FRMD4A: variants seen among roughly 807,000 people sequenced by gnomAD.
FRMD4A encodes the protein FERM domain containing 4A.
In FRMD4A, 29 loss-of-function variants were observed where a neutral mutation model predicts 129.1. The observed-to-expected ratio is 0.22, with a 90% CI of 0.17 to 0.31. The LOEUF (loss-of-function observed/expected upper bound fraction) is 0.31, where lower values mean the gene tolerates loss of function less well. FRMD4A is among the 10% of genes least tolerant of loss of function. The probability of loss-of-function intolerance (pLI) is 1.00; values close to 1 mark genes in which losing one functional copy is unlikely to be tolerated. For missense variants in FRMD4A, 1,272 were observed against 1,375.8 expected, an observed-to-expected ratio of 0.92 and a Z score of 1.19; for synonymous variants, 634 against 571.6, an observed-to-expected ratio of 1.11 and a Z score of -1.56.
chr10:13,667,628 G>GGGGAT (rs1441218530), intron 17 of FRMD4A: 2 of 152,390 alleles, frequency 1.3e-5, no homozygotes, highest in African/African-American at 4.8e-5. Context: ...ATGCATGTGT[G>GGGGAT]CGTGAGGATT....
At chr10:14,273,290 A>G (rs983285153) in intron 2 of FRMD4A, among the ~76,000 whole-genome samples, 7 of 152,220 alleles carry the variant, frequency 4.6e-5, no homozygotes, top group African/African-American at 1.7e-4. Context: ...TTAGGGGGCA[A>G]TGAAATAACC....
chr10:13,943,488 A>G (rs906728658), intron 2 of FRMD4A, among the ~76,000 whole-genome samples: 1 of 151,630 alleles, frequency 6.6e-6, no homozygotes, highest in African/African-American at 2.4e-5. Flanking sequence ...TCTCTACTAA[A>G]AATACAAAAA....
intron 2 of FRMD4A, among the ~76,000 whole-genome samples, chr10:14,147,782 C>A (rs1239946025): frequency 3.3e-5 from 5 of 152,106 alleles, no homozygotes; most frequent in African/African-American, 1.2e-4. Flanking sequence ...AGGCCACGGA[C>A]TGGTACTGGT....
chr10:13,834,761 A>G (rs2093846740), intron 3 of FRMD4A, among the ~76,000 whole-genome samples: 1 of 152,164 alleles, frequency 6.6e-6, no homozygotes, highest in Admixed American at 6.5e-5. Flanking sequence ...GCCATGGGAC[A>G]CATTTCCAGG....
At chr10:13,993,535 T>C (rs1409297436) in intron 2 of FRMD4A, among the ~76,000 whole-genome samples, 3 of 152,362 alleles carry the variant, frequency 2.0e-5, no homozygotes, top group East Asian at 1.9e-4. Flanking sequence ...TAGCAAAATA[T>C]ACCTCTAGGT....
chr10:13,871,183 T>A (rs2094435249), intron 2 of FRMD4A: 1 of 166,516 alleles, frequency 6.0e-6, no homozygotes, highest in Admixed American at 6.5e-5. Context: ...TTCACTGACC[T>A]CCTCCCAGCC....
At chr10:13,726,439 T>A (rs1247887956) in intron 12 of FRMD4A, among the ~76,000 whole-genome samples, 1 of 152,212 alleles carries the variant, frequency 6.6e-6, no homozygotes, top group African/African-American at 2.4e-5. Context: ...CAGACTAAAA[T>A]GTCTTCATAA....
At position 14,324,746 on chromosome 10, in the gene FRMD4A, T is replaced by TAA. The variant is rs1475912974; in HGVS notation, c.45+5311_45+5312insTT. On this transcript the variant is annotated intron_variant, in intron 2 of 24. Transcript: ENST00000357447. ...GCCGATCTCGGCTCACGGCAACCTC[T>TAA]GCCTCCTTGGTTCAAGTGATTCTCC... Among the ~76,000 whole-genome samples, 4 of 152,334 alleles carry TAA rather than the reference T, an allele frequency of 2.6e-5. No homozygotes were observed. The South Asian group carries it at 8.3e-4, about 32-fold the overall frequency.
intron 12 of FRMD4A, chr10:13,707,463 A>T (rs2087577395): frequency 9.7e-7 from 1 of 1,028,372 alleles, no homozygotes; most frequent in African/African-American, 1.7e-5. Flanking sequence ...AGAGGTGGAG[A>T]CCGGGGAGAG....
chr10:14,215,150 TG>T (rs1418737691), intron 2 of FRMD4A, among the ~76,000 whole-genome samples: 1 of 152,160 alleles, frequency 6.6e-6, no homozygotes, highest in African/African-American at 2.4e-5. Flanking sequence ...GAGAAGCCAT[TG>T]TCTACAAAAA....
At chr10:13,790,466 A>C (rs548171527) in intron 5 of FRMD4A, among the ~76,000 whole-genome samples, 6 of 152,290 alleles carry the variant, frequency 3.9e-5, no homozygotes, top group African/African-American at 1.4e-4. Flanking sequence ...GAAGACAAGC[A>C]AGACACGACC....
intron 24 of FRMD4A, 65 bp downstream of exon 24, chr10:13,651,838 A>C (rs1230861557): frequency 3.8e-5 from 31 of 825,188 alleles, no homozygotes; most frequent in Non-Finnish European, 6.5e-5. Flanking sequence ...GATGACATGG[A>C]CAAAAGCAAC....
At chr10:14,003,145 G>A (rs2095648751) in intron 2 of FRMD4A, among the ~76,000 whole-genome samples, 1 of 152,150 alleles carries the variant, frequency 6.6e-6, no homozygotes, top group Admixed American at 6.5e-5. Flanking sequence ...TGGCCACGGC[G>A]AGAAGGCAAC....
chr10:14,162,935 C>G (rs1840983972), intron 2 of FRMD4A, among the ~76,000 whole-genome samples: 3 of 152,154 alleles, frequency 2.0e-5, no homozygotes. Context: ...TGCTCCATTC[C>G]TTCCACACAC....
chr10:13,854,480 G>C (rs1432650549), intron 3 of FRMD4A, among the ~76,000 whole-genome samples: 2 of 152,202 alleles, frequency 1.3e-5, no homozygotes, highest in African/African-American at 4.8e-5. Flanking sequence ...GAGTGCAGTG[G>C]TGTGATCTTG....
At chr10:14,129,948 T>A (rs1376953631) in intron 2 of FRMD4A, among the ~76,000 whole-genome samples, 1 of 152,134 alleles carries the variant, frequency 6.6e-6, no homozygotes, top group African/African-American at 2.4e-5. Context: ...CATTCCCTCT[T>A]CCCTGTGGTG....
intron 2 of FRMD4A, among the ~76,000 whole-genome samples, chr10:13,988,828 A>G (rs868275110): frequency 2.8e-4 from 43 of 152,280 alleles, no homozygotes; most frequent in African/African-American, 9.9e-4. Flanking sequence ...AAGATGAAAA[A>G]GAAAAATAAC....
intron 2 of FRMD4A, among the ~76,000 whole-genome samples, chr10:13,991,127 C>G (rs1565161918): frequency 1.3e-5 from 2 of 152,222 alleles, no homozygotes; most frequent in Non-Finnish European, 2.9e-5. Context: ...CCATGACCCA[C>G]AGCAGCAAAT....
chr10:13,804,551 C>CTTTCTTTCTTTCTT (rs1564831491), intron 4 of FRMD4A, among the ~76,000 whole-genome samples: 1 of 142,572 alleles, frequency 7.0e-6, no homozygotes, highest in African/African-American at 2.6e-5. Flanking sequence ...TTCTTTATTT[C>CTTTCTTTCTTTCTT]TTTTTTTTGT....
Sources: allele counts gnomAD v4.1 joint callset (sites outside exome capture counted in the v4.1 genomes callset), GRCh38; gene constraint gnomAD v4.1.1; transcripts MANE v1.5; gene names NCBI Gene and HGNC (gene_info 2026-07-23, HGNC 2026-07-21).